Variants in TPX2 observed in about 807,000 individuals in gnomAD.
The protein encoded by TPX2 is targeting protein for Xklp2.
In TPX2, 21 loss-of-function variants were observed where a neutral mutation model predicts 93.6. The ratio of observed to expected loss-of-function variants is 0.22; its 90% CI spans 0.16 to 0.32. The LOEUF is 0.32. TPX2 is among the 10% of genes least tolerant of loss of function. TPX2 has a pLI of 1.00. For synonymous variants in TPX2, 281 were observed against 298.3 expected (o/e 0.94, Z 0.60); for missense variants, 776 against 871.1 (o/e 0.89, Z 1.37).
chr20:31,756,836 G>A (rs1355712253), intron 2 of TPX2, among the ~76,000 whole-genome samples: 2 of 151,780 alleles, frequency 1.3e-5, no homozygotes, highest in Non-Finnish European at 2.9e-5. Context: ...CATGTTGGTC[G>A]GGCTGATCTT....
At chr20:31,791,030 G>A (rs1258844357) in intron 12 of TPX2, among the ~76,000 whole-genome samples, 2 of 152,132 alleles carry the variant, frequency 1.3e-5, no homozygotes, top group Admixed American at 6.5e-5. Flanking sequence ...GGGCATTTCA[G>A]ACAGAGAAAG....
chr20:31,771,735 A>C, intron 7 of TPX2, 53 bp downstream of exon 7: 1 of 1,568,314 alleles, frequency 6.4e-7, no homozygotes, highest in Non-Finnish European at 8.6e-7. Context: ...AAAATTACAG[A>C]TTTACATCTA....
intron 2 of TPX2, among the ~76,000 whole-genome samples, chr20:31,748,902 A>G (rs574462275): frequency 3.4e-4 from 52 of 151,646 alleles, no homozygotes; most frequent in African/African-American, 1.1e-3. Flanking sequence ...GGAAGTTATT[A>G]TCTCTTGCTC....
chr20:31,789,708 G>T (rs866583096), intron 12 of TPX2, among the ~76,000 whole-genome samples: 9 of 152,142 alleles, frequency 5.9e-5, no homozygotes, highest in African/African-American at 1.7e-4. Flanking sequence ...ATGGAAGGGG[G>T]GCTGGGGTGT....
At chr20:31,796,117 A>G (rs1345349767) in intron 15 of TPX2, among the ~76,000 whole-genome samples, 1 of 152,222 alleles carries the variant, frequency 6.6e-6, no homozygotes, top group Non-Finnish European at 1.5e-5. Flanking sequence ...GAACAACAAC[A>G]AAAACAATTG....
At chr20:31,749,909 ATTAT>A (rs1487732828) in intron 2 of TPX2, among the ~76,000 whole-genome samples, 4 of 151,920 alleles carry the variant, frequency 2.6e-5, no homozygotes, top group Admixed American at 1.3e-4. Flanking sequence ...TAGAAATCTT[ATTAT>A]TTGTTTATTT....
chr20:31,783,130 T>C (rs957541015), intron 11 of TPX2, among the ~76,000 whole-genome samples: 18 of 152,328 alleles, frequency 1.2e-4, no homozygotes, highest in Middle Eastern at 3.4e-3. Context: ...CTTCCATTCC[T>C]TTTTGTGCTT....
chr20:31,799,243 A>AT (rs2062155647), intron 17 of TPX2, among the ~76,000 whole-genome samples: 1 of 152,216 alleles, frequency 6.6e-6, no homozygotes, highest in African/African-American at 2.4e-5. Context: ...AACTGTGTTA[A>AT]TGAAGAAGCA....
intron 6 of TPX2, 80 bp from the exon 7 acceptor site, chr20:31,771,480 T>C (rs1281330708): frequency 2.6e-5 from 40 of 1,520,242 alleles, no homozygotes; most frequent in Admixed American, 8.6e-5. Flanking sequence ...ATTTAATCCA[T>C]ATGCAGTAGA....
intron 6 of TPX2, among the ~76,000 whole-genome samples, chr20:31,770,898 CT>C (rs35680390): frequency 0.15 from 17,815 of 120,158 alleles, 1,465 homozygotes; most frequent in African/African-American, 0.29. Context: ...TGATTTTTAG[CT>C]TTTTTTTTTT....
intron 5 of TPX2, among the ~76,000 whole-genome samples, chr20:31,769,335 T>C (rs1292016173): frequency 2.4e-4 from 33 of 138,174 alleles, no homozygotes; most frequent in East Asian, 3.9e-4. Flanking sequence ...TTTTTTTTTT[T>C]CAAGGCGGAG....
intron 2 of TPX2, among the ~76,000 whole-genome samples, chr20:31,754,727 C>T (rs987864213): frequency 6.6e-6 from 1 of 151,974 alleles, no homozygotes; most frequent in Admixed American, 6.6e-5. Flanking sequence ...GATGCTTTAG[C>T]AGTATCTTTA....
intron 12 of TPX2, 100 bp downstream of exon 12, chr20:31,784,021 C>A: frequency 1.6e-6 from 2 of 1,286,876 alleles, no homozygotes; most frequent in East Asian, 2.4e-5. Context: ...AGCAGGGCAT[C>A]ATATTAGGAA....
At position 31,794,607 on chromosome 20, in the gene TPX2, A is replaced by G. The variant is rs1271829732; in HGVS notation, c.1833+59A>G. ...TGCTTGGTTGGTTGATTGTACAGGC[A>G]GACCCACCATACTGAAATCACCTGG... On this transcript the variant is annotated intron_variant, in intron 15 of 17. Coordinates refer to ENST00000300403, the MANE Select transcript of TPX2 (RefSeq NM_012112.5). 6 of 1,586,316 alleles carry G rather than the reference A, an allele frequency of 3.8e-6. No homozygotes were observed. In the African/African-American group the frequency reaches 8.1e-5, roughly 21 times the overall value.
At chr20:31,798,112 T>C (rs1437693682) in intron 16 of TPX2, among the ~76,000 whole-genome samples, 1 of 152,240 alleles carries the variant, frequency 6.6e-6, no homozygotes, top group Non-Finnish European at 1.5e-5. Context: ...TCAATCACTA[T>C]ATAGTTTTGT....
intron 17 of TPX2, among the ~76,000 whole-genome samples, chr20:31,799,110 G>A (rs762303458): frequency 6.6e-6 from 1 of 152,196 alleles, no homozygotes; most frequent in Non-Finnish European, 1.5e-5. Context: ...ACTCCTTGGA[G>A]TTACAGTGTT....
chr20:31,798,654 T>G, intron 17 of TPX2, 102 bp downstream of exon 17: 1 of 1,370,624 alleles, frequency 7.3e-7, no homozygotes, highest in Non-Finnish European at 9.7e-7. Context: ...CCCGCAAGGC[T>G]GTACCAAAGA....
intron 5 of TPX2, among the ~76,000 whole-genome samples, chr20:31,767,708 T>A (rs1408577270): frequency 6.6e-6 from 1 of 151,968 alleles, no homozygotes; most frequent in East Asian, 1.9e-4. Context: ...CAAGCCACTG[T>A]GCTCAGCTAA....
chr20:31,783,965 G>A (rs779820325), intron 12 of TPX2, 44 bp downstream of exon 12: 25 of 1,595,702 alleles, frequency 1.6e-5, no homozygotes, highest in African/African-American at 2.7e-5. Flanking sequence ...TACTGCTCAT[G>A]ACCAGATATC....
Sources: gnomAD v4.1 joint callset for allele counts (sites outside exome capture counted in the v4.1 genomes callset) on GRCh38, gnomAD v4.1.1 for gene constraint, MANE v1.5 for transcripts, NCBI Gene and HGNC (gene_info 2026-07-23, HGNC 2026-07-21) for gene names.